Variants in PCDHA12 observed in about 807,000 individuals in gnomAD.
PCDHA12 encodes protocadherin alpha-12.
A neutral mutation model predicts 60.0 loss-of-function variants in PCDHA12; 44 were observed. The observed-to-expected ratio is 0.73, with a 90% CI of 0.58 to 0.94. The LOEUF (loss-of-function observed/expected upper bound fraction) is 0.94. Among genes scored for constraint, PCDHA12 ranks in the 40% least tolerant of loss-of-function variants. The pLI is 0.00. For missense variants in PCDHA12, 1,276 were observed against 1,239.7 expected, an observed-to-expected ratio of 1.03 and a Z score of -0.44; for synonymous variants, 569 against 553.0, an observed-to-expected ratio of 1.03 and a Z score of -0.40.
intron 3 of PCDHA12, among the ~76,000 whole-genome samples, chr5:140,997,397 A>G (rs782082443): frequency 4.6e-5 from 7 of 152,194 alleles, no homozygotes; most frequent in African/African-American, 7.2e-5. Flanking sequence ...CTTAGGCTCT[A>G]TCGTATGGCC....
In PCDHA12 at chr5:141,010,093, T is replaced by A. The variant is rs2098416026; in HGVS notation, c.*156T>A. On this transcript the variant is annotated 3_prime_UTR_variant, in exon 4 of 4. Transcript: ENST00000398631. The stretch of plus-strand genomic sequence containing the variant: ...TTCCCTGTGTCTGTCTAGAACGCAT[T>A]TAACAGGTTTTGTCGTAAAAGCTTT... 4 of 1,612,692 alleles carry A rather than the reference T, an allele frequency of 2.5e-6. No homozygotes were observed. Among genetic ancestry groups the A allele is most frequent in the Non-Finnish European group, 3.4e-6 (4 of 1,179,392 alleles).
chr5:141,010,374 C>A lies in PCDHA12; in HGVS notation c.*437C>A. 2 of 1,459,768 alleles carry A rather than the reference C, an allele frequency of 1.4e-6. No homozygotes were observed. Among genetic ancestry groups the A allele is most frequent in the South Asian group, 1.4e-5 (1 of 73,044 alleles). 90.4% of individuals were successfully genotyped at this position (1,459,768 alleles called of 1,614,324 possible). On this transcript the variant is annotated 3_prime_UTR_variant, in exon 4 of 4. Coordinates refer to ENST00000398631, the MANE Select transcript of PCDHA12 (RefSeq NM_018903.4). ...TGTGGCTACCGCGGGTATGCGAGTG[C>A]CAGATATTGGCTGAGACGAGCCAGC...
intron 1 of PCDHA12, chr5:140,927,106 A>G: frequency 6.2e-7 from 1 of 1,613,678 alleles, no homozygotes; most frequent in Non-Finnish European, 8.5e-7. Context: ...GGATCTACCC[A>G]GCGGCAATTT....
intron 1 of PCDHA12, chr5:140,882,349 T>TC (rs1396642305): frequency 5.0e-6 from 8 of 1,613,872 alleles, no homozygotes; most frequent in Non-Finnish European, 6.8e-6. Context: ...GGGAGACGGG[T>TC]AGTGGCCAGC....
intron 1 of PCDHA12, among the ~76,000 whole-genome samples, chr5:140,885,964 G>A (rs1326363408): frequency 6.6e-6 from 1 of 151,886 alleles, no homozygotes; most frequent in Non-Finnish European, 1.5e-5. Flanking sequence ...TTTTTATTTT[G>A]AGATAATTAT....
At chr5:140,928,008 T>C in intron 1 of PCDHA12, 1 of 1,614,158 alleles carries the variant, frequency 6.2e-7, no homozygotes, top group Non-Finnish European at 8.5e-7. Context: ...TCGATTCTAA[T>C]GGTAGGGTCA....
intron 1 of PCDHA12, among the ~76,000 whole-genome samples, chr5:140,885,442 T>A (rs2060596310): frequency 6.6e-6 from 1 of 152,180 alleles, no homozygotes; most frequent in African/African-American, 2.4e-5. Flanking sequence ...TGTGCAATTA[T>A]ATATTATTTA....
At chr5:141,006,415 G>C (rs185861703) in intron 3 of PCDHA12, among the ~76,000 whole-genome samples, 2 of 152,146 alleles carry the variant, frequency 1.3e-5, no homozygotes, top group African/African-American at 2.4e-5. Flanking sequence ...CGGTTTCACT[G>C]TGTTAGCCAG....
rs59031154 is a variant in PCDHA12 at position 140,884,790 on chromosome 5, T to C, written c.2367+6951T>C. ...TTAATTTTAATTTTGCTAGTTGTTATCGAATTTAACAACTCTGCTGTGGAC... is the reference window on the plus strand; with the variant it reads ...TTAATTTTAATTTTGCTAGTTGTTACCGAATTTAACAACTCTGCTGTGGAC... On this transcript the variant is annotated intron_variant, in intron 1 of 3. Transcript: ENST00000398631. 1.6e-3 allele frequency: 2,209 copies of C among 1,352,036 alleles called. 33 individuals are homozygous for C. In the African/African-American group the frequency reaches 0.03, roughly 18 times the overall value. The allele number at this position is 1,352,036 out of a possible 1,614,324, so 83.8% of individuals were successfully genotyped here.
At chr5:141,004,508 G>A (rs1554259596) in intron 3 of PCDHA12, among the ~76,000 whole-genome samples, 1 of 152,200 alleles carries the variant, frequency 6.6e-6, no homozygotes. Flanking sequence ...GCTGTGAGGG[G>A]CTCCCTCTGC....
chr5:140,982,544 A>G lies in PCDHA12; in HGVS notation c.2496A>G (p.Thr832=), dbSNP rs781800144. 1.5e-5 allele frequency: 25 copies of G among 1,614,098 alleles called. No individual in the cohort carries two copies. Among genetic ancestry groups the G allele is most frequent in the Non-Finnish European group, 2.1e-5 (25 of 1,180,048 alleles). Residue 832 remains threonine (T), a synonymous_variant, in exon 3 of 4, where the codon ACA becomes ACG. Coordinates refer to ENST00000398631, the MANE Select transcript of PCDHA12 (RefSeq NM_018903.4). ...GAGGGCCTGATCAGCAGTGGCCAAC[A>G]GTATCCAGTGCAACACCAGGTAAAG... The part of the protein sequence containing the change: ...GPGGPDQQWP[T]VSSATPEPEA...
In PCDHA12 at chr5:140,897,967, T is replaced by G. The variant is rs1277557012; in HGVS notation, c.2367+20128T>G. On this transcript the variant is annotated intron_variant, in intron 1 of 3. Transcript: ENST00000398631. Reference sequence around the variant, plus strand: ...ATGATTAGCATTTTTTCATGTGTCTTTTGGCTGCATAAATGTCTTCTTTTG... The same window carrying G: ...ATGATTAGCATTTTTTCATGTGTCTGTTGGCTGCATAAATGTCTTCTTTTG... Among the ~76,000 whole-genome samples, 3 of 152,364 alleles carry G rather than the reference T, an allele frequency of 2.0e-5. No homozygotes were observed. In the East Asian group the frequency reaches 5.8e-4, roughly 29 times the overall value.
chr5:140,950,022 A>G (rs1355491628), intron 1 of PCDHA12, among the ~76,000 whole-genome samples: 1 of 151,918 alleles, frequency 6.6e-6, no homozygotes, highest in Non-Finnish European at 1.5e-5. Flanking sequence ...CCTTCATAAA[A>G]TATAGAAAAG....
At chr5:140,983,542 C>A (rs1554245538) in intron 3 of PCDHA12, among the ~76,000 whole-genome samples, 1 of 152,152 alleles carries the variant, frequency 6.6e-6, no homozygotes, top group African/African-American at 2.4e-5. Flanking sequence ...TGTGTGGTCT[C>A]ATTTATTCCT....
intron 1 of PCDHA12, among the ~76,000 whole-genome samples, chr5:140,910,741 A>G (rs1349649150): frequency 1.3e-5 from 2 of 152,142 alleles, no homozygotes; most frequent in African/African-American, 2.4e-5. Flanking sequence ...AACCAAGCAC[A>G]TAAATTATCA....
intron 1 of PCDHA12, among the ~76,000 whole-genome samples, chr5:140,945,463 A>G (rs1554216960): frequency 6.6e-6 from 1 of 152,166 alleles, no homozygotes; most frequent in African/African-American, 2.4e-5. Flanking sequence ...TAAAATTTGC[A>G]TGGAACCACA....
intron 3 of PCDHA12, among the ~76,000 whole-genome samples, chr5:140,997,287 A>G (rs1011963664): frequency 2.0e-5 from 3 of 152,280 alleles, no homozygotes; most frequent in Admixed American, 1.3e-4. Context: ...TCACTTAACA[A>G]TGGGGATACA....
At chr5:140,936,212 A>C (rs1294255399) in intron 1 of PCDHA12, among the ~76,000 whole-genome samples, 1 of 152,126 alleles carries the variant, frequency 6.6e-6, no homozygotes, top group African/African-American at 2.4e-5. Context: ...TTTTTTATTT[A>C]GTATTCTTTC....
intron 1 of PCDHA12, among the ~76,000 whole-genome samples, chr5:140,890,344 A>T (rs1482265903): frequency 1.3e-5 from 2 of 152,196 alleles, no homozygotes; most frequent in Admixed American, 6.5e-5. Context: ...GGGATGGTTT[A>T]CTATATAGCA....
Sources: gnomAD v4.1 joint callset for allele counts (sites outside exome capture counted in the v4.1 genomes callset) on GRCh38, gnomAD v4.1.1 for gene constraint, MANE v1.5 for transcripts, NCBI Gene and HGNC (gene_info 2026-07-23, HGNC 2026-07-21) for gene names.